PRDM15: variants seen among roughly 807,000 people sequenced by gnomAD.
PRDM15 encodes the protein PR/SET domain 15.
In PRDM15, 64 loss-of-function variants were observed where a neutral mutation model predicts 128.6. The ratio of observed to expected loss-of-function variants is 0.50; its 90% CI spans 0.41 to 0.61. The LOEUF (loss-of-function observed/expected upper bound fraction) is 0.61. PRDM15 is among the 20% of genes least tolerant of loss of function. PRDM15 has a pLI of 0.00. For missense variants in PRDM15, 1,242 were observed against 1,569.1 expected (o/e 0.79, Z 3.52); for synonymous variants, 615 against 621.8 (o/e 0.99, Z 0.16).
intron 19 of PRDM15, chr21:41,814,895 A>C (rs1275497604): frequency 1.5e-4 from 21 of 144,424 alleles, no homozygotes; most frequent in African/African-American, 5.4e-4. Flanking sequence ...GTGATTGCGC[A>C]GGGTGCTCTA....
Position 41,832,263 on chromosome 21 carries a change from C to G in PRDM15, c.1366+3174G>C, listed in dbSNP as rs1288729972. 6.6e-6 allele frequency among the ~76,000 whole-genome samples: 1 copy of G among 152,202 alleles called. No individual in the cohort carries two copies. The highest frequency in any genetic ancestry group is 1.5e-5 in the Non-Finnish European group (1 of 68,042). Reference sequence around the variant, plus strand: ...TCATGAATTCTTAGGAATGGGACCACTAGAGCCAAGCGCTTTGTGAAAGGC... The same window carrying G: ...TCATGAATTCTTAGGAATGGGACCAGTAGAGCCAAGCGCTTTGTGAAAGGC... On this transcript the variant is annotated intron_variant, in intron 11 of 23. Transcript: ENST00000398548. The surrounding 1 kb of genome is among the most constrained non-coding windows in gnomAD (Gnocchi z 4.2).
chr21:41,858,368 A>G (rs1283560510), intron 3 of PRDM15, among the ~76,000 whole-genome samples: 1 of 151,636 alleles, frequency 6.6e-6, no homozygotes, highest in Admixed American at 6.6e-5. Context: ...AGAGGCGGAC[A>G]TTGGGTGCCC....
At chr21:41,820,487 G>C (rs1277957704) in intron 16 of PRDM15, among the ~76,000 whole-genome samples, 2 of 152,176 alleles carry the variant, frequency 1.3e-5, no homozygotes, top group East Asian at 3.9e-4. Flanking sequence ...AAGAAGATGA[G>C]ATTGGGCACA....
intron 7 of PRDM15, 135 bp from the exon 8 acceptor site, chr21:41,838,198 G>A (rs964338532): frequency 1.4e-4 from 118 of 844,388 alleles, no homozygotes; most frequent in Middle Eastern, 4.8e-4. Flanking sequence ...GGTTTACAGA[G>A]GGGAAAAAAA....
chr21:41,806,060 TCAC>T (rs1568880224), intron 21 of PRDM15, among the ~76,000 whole-genome samples: 15 of 11,334 alleles, frequency 1.3e-3, no homozygotes, highest in African/African-American at 6.5e-3. Context: ...ACCACCACCA[TCAC>T]CATCACCACC....
At chr21:41,876,390 T>G (rs952438284) in intron 1 of PRDM15, among the ~76,000 whole-genome samples, 3 of 152,138 alleles carry the variant, frequency 2.0e-5, no homozygotes, top group Admixed American at 6.5e-5. Flanking sequence ...AGAAGGGGCT[T>G]GGTCACAGCA....
At chr21:41,824,926 G>A (rs143571526) in intron 13 of PRDM15, among the ~76,000 whole-genome samples, 37 of 152,392 alleles carry the variant, frequency 2.4e-4, no homozygotes, top group African/African-American at 8.9e-4. Flanking sequence ...GACGGTGACA[G>A]CGGGCCTCCT....
At chr21:41,874,106 A>G (rs1193214425) in intron 1 of PRDM15, among the ~76,000 whole-genome samples, 1 of 148,998 alleles carries the variant, frequency 6.7e-6, no homozygotes, top group Non-Finnish European at 1.5e-5. Context: ...GAGGTAGTGT[A>G]GACTCTACCA....
rs201350627 is a variant in PRDM15 at position 41,861,534 on chromosome 21, G to GCC, written c.-9-1164_-9-1163dup. ...GCCACCAAATGATTATTCCTCCTCTGCCCCCCCCCAATCCCCAACTGTGCG... is the reference window on the plus strand; with the variant it reads ...GCCACCAAATGATTATTCCTCCTCTGCCCCCCCCCCCAATCCCCAACTGTGCG... On this transcript the variant is annotated intron_variant, in intron 1 of 23. Transcript: ENST00000398548. 1.2e-3 allele frequency: 1,739 copies of GCC among 1,474,190 alleles called. 5 individuals are homozygous for GCC. Among genetic ancestry groups the GCC allele is most frequent in the South Asian group, 0.011 (832 of 78,910 alleles). The allele number at this position is 1,474,190 out of a possible 1,614,324, so 91.3% of individuals were successfully genotyped here.
Position 41,801,555 on chromosome 21 carries a change from G to A in PRDM15, c.3111C>T (p.Asp1037=), listed in dbSNP as rs1299287266. 2.5e-6 allele frequency: 4 copies of A among 1,614,098 alleles called. No homozygotes were observed. In the African/African-American group the frequency reaches 5.3e-5, roughly 22 times the overall value. The change falls in exon 24 of 24, where the codon GAC becomes GAT. Residue 1037 remains aspartate (D), a synonymous_variant. Coordinates refer to ENST00000398548, the MANE Select transcript of PRDM15 (RefSeq NM_001040424.3). ...LTTPERQLQL[D]NSILTVTFDT... ...CAAAGGTCACGGTCAGGATTGAGTT[G>A]TCCAGCTGTAACTGGCGTTCAGGGG... is the stretch of plus-strand genomic sequence containing the variant.
At chr21:41,867,550 C>G (rs999371090) in intron 1 of PRDM15, among the ~76,000 whole-genome samples, 1 of 152,178 alleles carries the variant, frequency 6.6e-6, no homozygotes, top group African/African-American at 2.4e-5. Flanking sequence ...CACAAGCGAC[C>G]CTCCTGCCGC....
At chr21:41,853,339 A>G (rs1378359773) in intron 5 of PRDM15, among the ~76,000 whole-genome samples, 1 of 152,176 alleles carries the variant, frequency 6.6e-6, no homozygotes, top group Non-Finnish European at 1.5e-5. Context: ...TTTGGATTAC[A>G]CTGCATTTAT....
chr21:41,815,667 G>C (rs746581587), intron 19 of PRDM15, 38 bp downstream of exon 19: 2 of 1,607,990 alleles, frequency 1.2e-6, no homozygotes, highest in Non-Finnish European at 8.5e-7. Context: ...CCTACACAGT[G>C]AGCGCCGTGG....
rs2062904979 is a variant in PRDM15, at chr21:41,836,612, T to C, written c.1039A>G (p.Arg347Gly). The change falls in exon 9 of 24, where the codon AGG (arginine) becomes GGG (glycine). Residue 347 changes from arginine (R) to glycine (G), a missense_variant. Arg to Gly is a moderately radical substitution (Grantham distance 125). This residue lies in a region of PRDM15 where 612 missense variants were observed against 717.0 expected (regional missense o/e 0.85). Transcript: ENST00000398548. ...HHQNNTITLK[R>G]SLILSSRHGI... ...TGTCTGCTTGAGAGAATTAAGCTCC[T>C]CTTGAGCGTGATGGTGTTATTCTGA... 2 of 1,612,658 alleles carry C rather than the reference T, an allele frequency of 1.2e-6. No homozygotes were observed. Among genetic ancestry groups the C allele is most frequent in the African/African-American group, 2.7e-5 (2 of 74,590 alleles).
rs2064543156 is a variant in PRDM15, at chr21:41,879,115, G to A, written c.-10+155C>T. 1.9e-6 allele frequency: 2 copies of A among 1,081,030 alleles called. No individual in the cohort carries two copies. The highest frequency in any genetic ancestry group is 2.3e-6 in the Non-Finnish European group (2 of 871,796). 67.0% of individuals were successfully genotyped at this position (1,081,030 alleles called of 1,614,324 possible). A position where few individuals can be genotyped will look rare whatever the true frequency, so the allele number is the denominator to read the frequency against. On this transcript the variant is annotated intron_variant, in intron 1 of 23. Transcript: ENST00000398548. The surrounding 1 kb of genome is among the most constrained non-coding windows in gnomAD (Gnocchi z 5.1). ...GAATGTAACAAAGAACAGTCGGCAT[G>A]GCGGCTGGACCGGGGCGGCGCGCGG... is the stretch of plus-strand genomic sequence containing the variant.
chr21:41,862,410 C>CT lies in PRDM15; in HGVS notation c.-9-2039dup. Among the ~76,000 whole-genome samples, 1 of 152,306 alleles carries CT rather than the reference C, an allele frequency of 6.6e-6. No individual in the cohort carries two copies. Among genetic ancestry groups the CT allele is most frequent in the East Asian group, 1.9e-4 (1 of 5,178 alleles). The stretch of plus-strand genomic sequence containing the variant: ...CGCCTCTCCCCGGGGCAGACCTTGC[C>CT]TCTGGCCTACACCTCTCACAGACTG... On this transcript the variant is annotated intron_variant, in intron 1 of 23. Transcript: ENST00000398548. This position sits in a 1 kb window ranked among gnomAD's most constrained non-coding sequence, Gnocchi z 4.1.
At position 41,822,017 on chromosome 21, in the gene PRDM15, G is replaced by C. The variant is rs749579482; in HGVS notation, c.1782C>G (p.Asp594Glu). 10 of 1,614,108 alleles carry C rather than the reference G, an allele frequency of 6.2e-6. No homozygotes were observed. Among genetic ancestry groups the C allele is most frequent in the Non-Finnish European group, 8.5e-6 (10 of 1,180,054 alleles). Reference protein sequence around the residue: ...VHFKDIALMDDHQREEFIGKI... With the variant: ...VHFKDIALMDEHQREEFIGKI... ...TGCCGATAAACTCTTCCCTCTGGTG[G>C]TCATCCATCAACGCGATGTCCTGGA... Residue 594 changes from aspartate (D) to glutamate (E), a missense_variant, in exon 15 of 24, where the codon GAC (aspartate) becomes GAG (glutamate). By Grantham distance (45) the Asp-to-Glu change is conservative. Coordinates refer to ENST00000398548, the MANE Select transcript of PRDM15 (RefSeq NM_001040424.3).
chr21:41,859,390 T>C lies in PRDM15; in HGVS notation c.131+202A>G, dbSNP rs180712472. ...CCTGGAGTGGATCAAAGAAACTCACTCTGGAGCTTTGAAGCACGTGTTTTG... is the reference window on the plus strand; with the variant it reads ...CCTGGAGTGGATCAAAGAAACTCACCCTGGAGCTTTGAAGCACGTGTTTTG... On this transcript the variant is annotated intron_variant, in intron 3 of 23. Coordinates refer to ENST00000398548, the MANE Select transcript of PRDM15 (RefSeq NM_001040424.3). This position sits in a 1 kb window ranked among gnomAD's most constrained non-coding sequence, Gnocchi z 5.3. Among the ~76,000 whole-genome samples the C allele has an allele frequency of 1.3e-5, 2 of 152,304 alleles. No individual in the cohort carries two copies. The highest frequency in any genetic ancestry group is 1.3e-4 in the Admixed American group (2 of 15,304).
At chr21:41,860,262 C>CG (rs1419084642) in intron 2 of PRDM15, 65 bp downstream of exon 2, 1 of 1,291,140 alleles carries the variant, frequency 7.7e-7, no homozygotes, top group Admixed American at 1.8e-5. Context: ...GCAAGCGCCA[C>CG]GCCCATCTGT....
Sources: allele counts gnomAD v4.1 joint callset (sites outside exome capture counted in the v4.1 genomes callset), GRCh38; gene constraint gnomAD v4.1.1; regional missense constraint gnomAD v4.1.1; non-coding constraint Gnocchi (gnomAD v3.1); transcripts MANE v1.5; gene names NCBI Gene and HGNC (gene_info 2026-07-23, HGNC 2026-07-21).